CEP152: variants seen among roughly 807,000 people sequenced by gnomAD.
CEP152 encodes the protein centrosomal protein 152.
A neutral mutation model predicts 188.9 loss-of-function variants in CEP152; 132 were observed. The observed-to-expected ratio is 0.70, with a 90% CI of 0.61 to 0.81. The LOEUF (loss-of-function observed/expected upper bound fraction) is 0.81, where lower values mean the gene tolerates loss of function less well. Among genes scored for constraint, CEP152 ranks in the 30% least tolerant of loss-of-function variants. CEP152 has a pLI of 0.00. For missense variants in CEP152, 1,914 were observed against 1,969.8 expected (o/e 0.97, Z 0.54); for synonymous variants, 649 against 666.6 (o/e 0.97, Z 0.41).
Position 48,789,144 on chromosome 15 carries a change from T to C in CEP152, c.973-143A>G, listed in dbSNP as rs1003711157. 93 of 757,206 alleles carry C rather than the reference T, an allele frequency of 1.2e-4. No individual in the cohort carries two copies. The African/African-American group carries it at 1.5e-3, about 13-fold the overall frequency. The allele number at this position is 757,206 out of a possible 1,614,324, so 46.9% of individuals were successfully genotyped here. ...GTAGAGAAGGGGTCTCCGCTCATCA[T>C]GGCTCAAGCTCCTTAAAACAACCCT... On this transcript the variant is annotated intron_variant, in intron 8 of 26. Transcript: ENST00000380950.
chr15:48,786,073 T>C (rs566286823), intron 9 of CEP152, among the ~76,000 whole-genome samples: 2 of 152,092 alleles, frequency 1.3e-5, no homozygotes, highest in East Asian at 3.9e-4. Context: ...GTGTTCAAAG[T>C]GGAGCCTTTA....
At chr15:48,730,041 C>T (rs1892370612) in intron 2 of CEP152, among the ~76,000 whole-genome samples, 1 of 151,776 alleles carries the variant, frequency 6.6e-6, no homozygotes, top group Non-Finnish European at 1.5e-5. Flanking sequence ...AGAAGAAAAA[C>T]AACCATTTCA....
Position 48,769,083 on chromosome 15 carries a change from T to C in CEP152, c.1783-2A>G. 5 of 1,603,300 alleles carry C rather than the reference T, an allele frequency of 3.1e-6. No homozygotes were observed. The highest frequency in any genetic ancestry group is 4.3e-6 in the Non-Finnish European group (5 of 1,172,914). On this transcript the variant is annotated splice_acceptor_variant, in intron 13 of 26. Coordinates refer to ENST00000380950, the MANE Select transcript of CEP152 (RefSeq NM_001194998.2). LOFTEE classifies it high-confidence loss of function. ...TTTTTCTGAGGTATCTGTTTTAGTC[T>C]GAATATTAAAAGGTCAAAAGTTTTA...
At chr15:48,735,587 T>C (rs1382479980), downstream of CEP152, among the ~76,000 whole-genome samples, 1 of 151,976 alleles carries the variant, frequency 6.6e-6, no homozygotes, top group African/African-American at 2.4e-5. Flanking sequence ...ATACAAAAAT[T>C]AGCTGGGCAT....
intron 17 of CEP152, among the ~76,000 whole-genome samples, chr15:48,763,894 T>C (rs759947268): frequency 6.6e-6 from 1 of 152,168 alleles, no homozygotes; most frequent in African/African-American, 2.4e-5. Flanking sequence ...GCTTATTTGT[T>C]AGTTATAAAT....
intron 17 of CEP152, among the ~76,000 whole-genome samples, chr15:48,766,641 A>G (rs542494515): frequency 1.3e-5 from 2 of 152,302 alleles, no homozygotes; most frequent in African/African-American, 2.4e-5. Context: ...TAAAATGACA[A>G]TGAGGTAGTG....
At chr15:48,787,740 T>C (rs763711411) in intron 9 of CEP152, among the ~76,000 whole-genome samples, 7 of 152,180 alleles carry the variant, frequency 4.6e-5, no homozygotes, top group Non-Finnish European at 1.0e-4. Context: ...CCCTCACATC[T>C]GATTTTTCTT....
At chr15:48,788,166 C>G (rs1367897252) in intron 9 of CEP152, among the ~76,000 whole-genome samples, 1 of 152,128 alleles carries the variant, frequency 6.6e-6, no homozygotes, top group Non-Finnish European at 1.5e-5. Context: ...TTGTTTTGGT[C>G]TGGATTTATT....
chr15:48,770,838 T>C (rs887565230), intron 13 of CEP152, among the ~76,000 whole-genome samples: 1 of 152,176 alleles, frequency 6.6e-6, no homozygotes, highest in Non-Finnish European at 1.5e-5. Flanking sequence ...AAGATTTTGA[T>C]AGCAAAAACA....
chr15:48,787,283 T>A (rs1896724242), intron 9 of CEP152, among the ~76,000 whole-genome samples: 1 of 146,102 alleles, frequency 6.8e-6, no homozygotes, highest in South Asian at 2.3e-4. Context: ...TCCTCCCACC[T>A]CAGCCTCCCA....
chr15:48,737,644 T>C (rs1402059446), downstream of CEP152, among the ~76,000 whole-genome samples: 3 of 152,080 alleles, frequency 2.0e-5, no homozygotes, highest in African/African-American at 4.8e-5. Context: ...AAGTAAGAAC[T>C]AAAAAAATTC....
intron 12 of CEP152, 28 bp from the exon 13 acceptor site, chr15:48,772,719 TTAAATCAAGTAA>T (rs1448143362): frequency 3.0e-5 from 48 of 1,574,780 alleles, no homozygotes; most frequent in Non-Finnish European, 4.2e-5. Flanking sequence ...ATTTTTAACA[TTAAATCAAGTAA>T]TAAATCAGAC....
In CEP152 at chr15:48,806,506, T is replaced by A. The variant is rs79369646; in HGVS notation, c.-7-850A>T. The stretch of plus-strand genomic sequence containing the variant: ...GGCAGGTGTCATCAATTACCTGGCC[T>A]AACACTGCCCTCCATTCAGTCCACT... On this transcript the variant is annotated intron_variant, in intron 1 of 26. Transcript: ENST00000380950. Among the ~76,000 whole-genome samples the A allele has an allele frequency of 7.3e-3, 1,105 of 152,360 alleles. 11 individuals carry two copies. Among genetic ancestry groups the A allele is most frequent in the African/African-American group, 0.026 (1,069 of 41,570 alleles).
At chr15:48,744,801 T>A in intron 23 of CEP152, 95 bp downstream of exon 23, 2 of 1,138,758 alleles carry the variant, frequency 1.8e-6, no homozygotes, top group Non-Finnish European at 2.5e-6. Flanking sequence ...TTATACTTTT[T>A]GCTGTATAAC....
chr15:48,747,521 G>A (rs917258701), intron 22 of CEP152, among the ~76,000 whole-genome samples: 3 of 152,144 alleles, frequency 2.0e-5, no homozygotes, highest in Admixed American at 2.0e-4. Context: ...CCGCACAAGA[G>A]CAGCCCACTT....
downstream of CEP152, among the ~76,000 whole-genome samples, chr15:48,736,900 G>A (rs1357577994): frequency 6.6e-6 from 1 of 152,162 alleles, no homozygotes. Context: ...CAGATCCATA[G>A]GGAGCATAAA....
At chr15:48,759,892 G>A (rs1893721424) in intron 19 of CEP152, among the ~76,000 whole-genome samples, 1 of 152,098 alleles carries the variant, frequency 6.6e-6, no homozygotes, top group Non-Finnish European at 1.5e-5. Flanking sequence ...CTAAAGATAG[G>A]GCAAGATAGA....
rs1897373463 is a variant in CEP152, at chr15:48,797,484, G to A, written c.357C>T (p.Tyr119=). ...RSKTEDRHPV[Y]HPEEGGDEGG... ...CTTCATCTCCACCTTCTTCAGGATG[G>A]TACACAGGATGTCGGTCTTCAGTTT... The change falls in exon 5 of 27, where the codon TAC becomes TAT. Residue 119 remains tyrosine, a synonymous_variant. Transcript: ENST00000380950. The A allele has an allele frequency of 1.9e-6, 3 of 1,613,922 alleles. No individual in the cohort carries two copies. Among genetic ancestry groups the A allele is most frequent in the South Asian group, 2.2e-5 (2 of 91,074 alleles).
chr15:48,763,068 C>T (rs1894810511), intron 17 of CEP152, among the ~76,000 whole-genome samples: 1 of 151,904 alleles, frequency 6.6e-6, no homozygotes, highest in Non-Finnish European at 1.5e-5. Flanking sequence ...ATCTAATTAA[C>T]GAACCAAAAC....
Sources: allele counts gnomAD v4.1 joint callset (sites outside exome capture counted in the v4.1 genomes callset), GRCh38; gene constraint gnomAD v4.1.1; transcripts MANE v1.5; gene names NCBI Gene and HGNC (gene_info 2026-07-23, HGNC 2026-07-21).